The following DLG1 variants were observed in gnomAD, a reference collection of about 807,000 sequenced individuals.
DLG1 encodes the protein disks large homolog 1.
DLG1 carries 42 observed loss-of-function variants against 123.4 expected under a neutral mutation model. That is an observed-to-expected ratio of 0.34 (90% confidence interval 0.27 to 0.44). The LOEUF (loss-of-function observed/expected upper bound fraction) is 0.44. DLG1 is among the 20% of genes least tolerant of loss of function. DLG1 has a pLI of 1.00. For synonymous variants in DLG1, 317 were observed against 356.2 expected (o/e 0.89, Z 1.24); for missense variants, 942 against 1,082.6 (o/e 0.87, Z 1.82).
At chr3:197,262,831 G>T (rs143994361) in intron 4 of DLG1, among the ~76,000 whole-genome samples, 3 of 152,052 alleles carry the variant, frequency 2.0e-5, no homozygotes, top group African/African-American at 7.2e-5. Flanking sequence ...TGAGAGCAGA[G>T]GGAAAAAATG....
At position 197,212,763 on chromosome 3, in the gene DLG1, G is replaced by T. The variant is rs1054755321; in HGVS notation, c.319-18174C>A. Among the ~76,000 whole-genome samples, 4 of 152,286 alleles carry T rather than the reference G, an allele frequency of 2.6e-5. No individual in the cohort carries two copies. The East Asian group carries it at 7.7e-4, about 29-fold the overall frequency. On this transcript the variant is annotated intron_variant, in intron 4 of 24. Coordinates refer to ENST00000667157, the MANE Select transcript of DLG1 (RefSeq NM_001366207.1). ...AAGGTCATATTCTGAGATATTAGGG[G>T]CTAGGACTCCAACATATCTTTTTTT... is the stretch of plus-strand genomic sequence containing the variant.
At chr3:197,131,180 G>A (rs1199368109) in intron 10 of DLG1, among the ~76,000 whole-genome samples, 2 of 152,048 alleles carry the variant, frequency 1.3e-5, no homozygotes, top group African/African-American at 4.8e-5. Flanking sequence ...TATTTAGATT[G>A]GAAAACTATT....
chr3:197,232,384 G>A (rs1295816750), intron 4 of DLG1, among the ~76,000 whole-genome samples: 1 of 147,250 alleles, frequency 6.8e-6, no homozygotes, highest in Admixed American at 6.8e-5. Context: ...AAAAAAAGGT[G>A]CAAGAAGAGC....
In DLG1 at chr3:197,146,987, C is replaced by T. The variant is rs546042113; in HGVS notation, c.537+2756G>A. On this transcript the variant is annotated intron_variant, in intron 6 of 24. Coordinates refer to ENST00000667157, the MANE Select transcript of DLG1 (RefSeq NM_001366207.1). ...ATCTCATCCAAAAGTGGGCTAAGGA[C>T]ATGAATAGAAAATTCTCAAAGGAAG... Among the ~76,000 whole-genome samples the T allele has an allele frequency of 2.0e-5, 3 of 152,130 alleles. No homozygotes were observed. In the South Asian group the frequency reaches 6.2e-4, roughly 32 times the overall value.
chr3:197,277,627 CA>C (rs938141716), intron 4 of DLG1, among the ~76,000 whole-genome samples: 1 of 152,040 alleles, frequency 6.6e-6, no homozygotes, highest in African/African-American at 2.4e-5. Flanking sequence ...AGGTGTGAAC[CA>C]CCAGGCCTGG....
chr3:197,191,238 G>C (rs1297735594), intron 5 of DLG1, among the ~76,000 whole-genome samples: 2 of 152,102 alleles, frequency 1.3e-5, no homozygotes, highest in Non-Finnish European at 2.9e-5. Flanking sequence ...GGAAACGGAA[G>C]ACTCTGGAGA....
chr3:197,083,960 A>C (rs933864643), intron 16 of DLG1, among the ~76,000 whole-genome samples: 4 of 152,240 alleles, frequency 2.6e-5, no homozygotes, highest in Admixed American at 6.5e-5. Context: ...GCGACAGAGC[A>C]AGACCTTGTC....
chr3:197,148,620 C>G (rs1026248212), intron 6 of DLG1, among the ~76,000 whole-genome samples: 1 of 151,952 alleles, frequency 6.6e-6, no homozygotes, highest in Non-Finnish European at 1.5e-5. Flanking sequence ...TGATGCTATC[C>G]ACATACAAAA....
chr3:197,050,882 C>T (rs1727135538), intron 24 of DLG1, among the ~76,000 whole-genome samples: 1 of 152,194 alleles, frequency 6.6e-6, no homozygotes, highest in Non-Finnish European at 1.5e-5. Flanking sequence ...TATCAAATCA[C>T]ATTATATGCC....
intron 4 of DLG1, among the ~76,000 whole-genome samples, chr3:197,278,394 C>A (rs1420613818): frequency 6.6e-6 from 1 of 151,228 alleles, no homozygotes; most frequent in African/African-American, 2.4e-5. Context: ...CCCTGGAGCC[C>A]CCAAGTTTTG....
chr3:197,182,412 T>C (rs1056624625), intron 5 of DLG1, among the ~76,000 whole-genome samples: 7 of 152,090 alleles, frequency 4.6e-5, no homozygotes, highest in African/African-American at 1.7e-4. Flanking sequence ...TCCCAAATAT[T>C]TGAGAAAAGT....
chr3:197,213,521 T>C (rs1245582290), intron 4 of DLG1, among the ~76,000 whole-genome samples: 1 of 152,140 alleles, frequency 6.6e-6, no homozygotes, highest in Non-Finnish European at 1.5e-5. Context: ...CTAATCAAAC[T>C]GTACGCTTTA....
intron 5 of DLG1, among the ~76,000 whole-genome samples, chr3:197,165,453 C>T (rs544390563): frequency 6.6e-6 from 1 of 152,318 alleles, no homozygotes; most frequent in South Asian, 2.1e-4. Flanking sequence ...ACTTGCACAA[C>T]ACTGTGAATG....
intron 4 of DLG1, among the ~76,000 whole-genome samples, chr3:197,267,010 A>G (rs1295472425): frequency 6.6e-6 from 1 of 152,200 alleles, no homozygotes; most frequent in Non-Finnish European, 1.5e-5. Context: ...GTAACTATAA[A>G]CAGTACATGT....
chr3:197,262,448 T>TA (rs1292336407), intron 4 of DLG1, among the ~76,000 whole-genome samples: 1 of 152,280 alleles, frequency 6.6e-6, no homozygotes, highest in Non-Finnish European at 1.5e-5. Flanking sequence ...ACATCTTTTA[T>TA]AATAAACTAG....
At chr3:197,171,790 T>C (rs1373720966) in intron 5 of DLG1, among the ~76,000 whole-genome samples, 1 of 152,176 alleles carries the variant, frequency 6.6e-6, no homozygotes, top group Admixed American at 6.5e-5. Context: ...GGTTACATAA[T>C]TGACAAATGG....
intron 4 of DLG1, among the ~76,000 whole-genome samples, chr3:197,196,055 GT>G (rs933217360): frequency 6.7e-6 from 1 of 149,146 alleles, no homozygotes; most frequent in African/African-American, 2.5e-5. Context: ...CCTTGAAAAT[GT>G]TTTCACTCCT....
intron 4 of DLG1, among the ~76,000 whole-genome samples, chr3:197,250,063 TA>T (rs1042247097): frequency 3.9e-5 from 6 of 151,912 alleles, no homozygotes; most frequent in African/African-American, 1.5e-4. Context: ...AGCAGTGAAG[TA>T]AAACAAAGAA....
At chr3:197,205,608 A>C (rs945425188) in intron 4 of DLG1, among the ~76,000 whole-genome samples, 8 of 152,200 alleles carry the variant, frequency 5.3e-5, no homozygotes, top group African/African-American at 1.4e-4. Flanking sequence ...TCTTGGAGTA[A>C]AACAGTACAA....
Sources: gnomAD v4.1 joint callset for allele counts (sites outside exome capture counted in the v4.1 genomes callset) on GRCh38, gnomAD v4.1.1 for gene constraint, MANE v1.5 for transcripts, NCBI Gene and HGNC (gene_info 2026-07-23, HGNC 2026-07-21) for gene names.